The following SDK1 variants were observed in gnomAD, a reference collection of about 807,000 sequenced individuals.
The protein encoded by SDK1 is sidekick cell adhesion molecule 1.
Under a neutral mutation model 245.5 loss-of-function variants are expected in SDK1, and 157 were observed. The ratio of observed to expected loss-of-function variants is 0.64; its 90% CI spans 0.56 to 0.73. The LOEUF is 0.73. Ranked by LOEUF, SDK1 falls within the 30% of genes least tolerant of loss-of-function variation. SDK1 has a pLI of 0.00. For synonymous variants in SDK1, 1,647 were observed against 1,278.5 expected, an observed-to-expected ratio of 1.29 and a Z score of -6.15; for missense variants, 3,583 against 3,002.3, an observed-to-expected ratio of 1.19 and a Z score of -4.52.
In SDK1 at chr7:3,904,843, A is replaced by G. The variant is rs894362882; in HGVS notation, c.848-46080A>G. ...CCCGTCTCTACTGAAAATACAAAAG[A>G]TTAGCCGGGTGTGGTGGTGGGCGCC... is the stretch of plus-strand genomic sequence containing the variant. On this transcript the variant is annotated intron_variant, in intron 5 of 44. Coordinates refer to ENST00000404826, the MANE Select transcript of SDK1 (RefSeq NM_152744.4). Among the ~76,000 whole-genome samples the G allele has an allele frequency of 2.0e-5, 3 of 151,950 alleles. No individual in the cohort carries two copies. In the South Asian group the frequency reaches 6.2e-4, roughly 32 times the overall value.
intron 1 of SDK1, among the ~76,000 whole-genome samples, chr7:3,448,849 A>G (rs1412153772): frequency 6.6e-6 from 1 of 152,180 alleles, no homozygotes; most frequent in African/African-American, 2.4e-5. Context: ...TGAAAAGGTT[A>G]TTTCTCTTTG....
intron 16 of SDK1, among the ~76,000 whole-genome samples, chr7:4,014,806 C>T (rs550670713): frequency 1.6e-4 from 25 of 152,264 alleles, no homozygotes; most frequent in African/African-American, 5.3e-4. Context: ...GAGGAGGCTG[C>T]CCTGCACTTC....
At chr7:3,863,805 A>T (rs1780754163) in intron 5 of SDK1, among the ~76,000 whole-genome samples, 1 of 152,180 alleles carries the variant, frequency 6.6e-6, no homozygotes, top group African/African-American at 2.4e-5. Context: ...CATCGTACGG[A>T]TGGACCCCAT....
chr7:3,607,673 A>G (rs1228238655), intron 1 of SDK1, among the ~76,000 whole-genome samples: 1 of 152,246 alleles, frequency 6.6e-6, no homozygotes, highest in Non-Finnish European at 1.5e-5. Flanking sequence ...AGTTAGTGAC[A>G]TTTAAGACGG....
intron 35 of SDK1, among the ~76,000 whole-genome samples, chr7:4,198,902 C>T (rs940946899): frequency 2.6e-5 from 4 of 151,728 alleles, no homozygotes; most frequent in South Asian, 2.1e-4. Flanking sequence ...CAACCTCCGC[C>T]TCCCTGGTTC....
At chr7:3,866,635 C>T (rs1340330169) in intron 5 of SDK1, among the ~76,000 whole-genome samples, 6 of 152,124 alleles carry the variant, frequency 3.9e-5, no homozygotes, top group Admixed American at 3.9e-4. Flanking sequence ...GTCGTGGACT[C>T]CCCTGCCCCT....
At chr7:3,752,289 A>G (rs1157690864) in intron 4 of SDK1, among the ~76,000 whole-genome samples, 3 of 151,980 alleles carry the variant, frequency 2.0e-5, no homozygotes, top group Non-Finnish European at 4.4e-5. Flanking sequence ...GACTTCAAAG[A>G]CCCCTTTCTT....
intron 4 of SDK1, among the ~76,000 whole-genome samples, chr7:3,762,997 G>C (rs1019209957): frequency 6.6e-6 from 1 of 152,056 alleles, no homozygotes; most frequent in Non-Finnish European, 1.5e-5. Flanking sequence ...TGCTTGGCAC[G>C]TGATAGGAAT....
chr7:4,167,196 C>T (rs1309449730), intron 32 of SDK1, among the ~76,000 whole-genome samples: 1 of 152,150 alleles, frequency 6.6e-6, no homozygotes, highest in Non-Finnish European at 1.5e-5. Flanking sequence ...TTGAGACCAT[C>T]GTGGCCAACA....
chr7:4,041,498 C>G (rs1788634202), intron 17 of SDK1, among the ~76,000 whole-genome samples: 1 of 152,120 alleles, frequency 6.6e-6, no homozygotes, highest in Admixed American at 6.5e-5. Context: ...ACGCTTGGCA[C>G]TGTGCATTCT....
In SDK1 at chr7:4,205,746, G is replaced by C. The variant is rs573861031; in HGVS notation, c.5099-133G>C. ...CTAAGGCCTCCTAAGCCAGGGCGAC[G>C]GCCCAGGGAAGAATCTCTCACATGG... On this transcript the variant is annotated intron_variant, in intron 35 of 44. Transcript: ENST00000404826. 228 of 730,386 alleles carry C rather than the reference G, an allele frequency of 3.1e-4. No individual in the cohort carries two copies. In the African/African-American group the frequency reaches 3.5e-3, roughly 11 times the overall value. The allele number at this position is 730,386 out of a possible 1,614,324, so 45.2% of individuals were successfully genotyped here.
chr7:3,980,553 G>T (rs1783323563), intron 13 of SDK1, among the ~76,000 whole-genome samples: 2 of 152,200 alleles, frequency 1.3e-5, no homozygotes, highest in African/African-American at 4.8e-5. Flanking sequence ...TTTCTGAAAT[G>T]GATTCAGAAT....
intron 35 of SDK1, among the ~76,000 whole-genome samples, chr7:4,187,309 T>G (rs1002832704): frequency 1.1e-4 from 17 of 152,248 alleles, no homozygotes; most frequent in Admixed American, 9.8e-4. Flanking sequence ...GTCCAGCACC[T>G]TGCTATTAGA....
rs144099681 is a variant in SDK1, at chr7:3,570,854, T to TG, written c.299-48226_299-48225insG. Among the ~76,000 whole-genome samples the TG allele has an allele frequency of 5.4e-3, 805 of 149,870 alleles. 10 individuals carry two copies. The highest frequency in any genetic ancestry group is 0.018 in the South Asian group (87 of 4,806). On this transcript the variant is annotated intron_variant, in intron 1 of 44. Transcript: ENST00000404826. ...TCAGTGACTTTTGTCAATATATAAA[T>TG]CTTAGAATTTATTATAATCACAGTT...
intron 30 of SDK1, among the ~76,000 whole-genome samples, chr7:4,156,363 A>G (rs1431666428): frequency 1.3e-5 from 2 of 152,244 alleles, no homozygotes; most frequent in South Asian, 2.1e-4. Context: ...GCTGTCTACC[A>G]GAACTCTGGA....
At chr7:3,922,401 T>A (rs1779623902) in intron 5 of SDK1, among the ~76,000 whole-genome samples, 1 of 152,232 alleles carries the variant, frequency 6.6e-6, no homozygotes. Flanking sequence ...CGGATTTACT[T>A]ACAGCAAGAA....
chr7:4,117,663 G>C (rs556576803), intron 25 of SDK1, among the ~76,000 whole-genome samples: 43 of 152,278 alleles, frequency 2.8e-4, no homozygotes, highest in South Asian at 1.7e-3. Flanking sequence ...TAAGGAGTCT[G>C]CACCCTGGTC....
intron 4 of SDK1, among the ~76,000 whole-genome samples, chr7:3,813,516 G>A (rs982718000): frequency 1.6e-4 from 23 of 147,230 alleles, no homozygotes; most frequent in Admixed American, 5.5e-4. Flanking sequence ...TATCATTGTT[G>A]GACATTTGGG....
intron 17 of SDK1, among the ~76,000 whole-genome samples, chr7:4,033,743 G>C (rs1242723333): frequency 6.6e-6 from 1 of 152,106 alleles, no homozygotes. Flanking sequence ...AAAAGTGATG[G>C]TACACAGACA....
Sources: gnomAD v4.1 joint callset for allele counts (sites outside exome capture counted in the v4.1 genomes callset) on GRCh38, gnomAD v4.1.1 for gene constraint, MANE v1.5 for transcripts, NCBI Gene and HGNC (gene_info 2026-07-23, HGNC 2026-07-21) for gene names.